NKAIN2: variants seen among roughly 807,000 people sequenced by gnomAD.
NKAIN2 encodes sodium/potassium-transporting ATPase subunit beta-1-interacting protein 2.
A neutral mutation model predicts 32.6 loss-of-function variants in NKAIN2; 14 were observed. The ratio of observed to expected loss-of-function variants is 0.43; its 90% confidence interval spans 0.28 to 0.67. The LOEUF is 0.67. NKAIN2 is among the 30% of genes least tolerant of loss of function. The pLI, the probability that NKAIN2 is intolerant of heterozygous loss-of-function variation, is 0.17. For missense variants in NKAIN2, 198 were observed against 258.3 expected (o/e 0.77, Z 1.60); for synonymous variants, 80 against 87.2 (o/e 0.92, Z 0.46).
Position 123,834,298 on chromosome 6 carries a change from G to A in NKAIN2, c.54+30044G>A, listed in dbSNP as rs556065555. Among the ~76,000 whole-genome samples the A allele has an allele frequency of 4.6e-5, 7 of 152,174 alleles. No homozygotes were observed. In the South Asian group the frequency reaches 1.0e-3, roughly 23 times the overall value. On this transcript the variant is annotated intron_variant, in intron 1 of 6. Coordinates refer to ENST00000368417, the MANE Select transcript of NKAIN2 (RefSeq NM_001040214.3). ...GCTTCCTGAATAGCTGGGATTACAG[G>A]CGTGTGCCACCAAGCCTTGTTAATT...
At chr6:124,138,921 G>C (rs1156243493) in intron 1 of NKAIN2, among the ~76,000 whole-genome samples, 1 of 150,900 alleles carries the variant, frequency 6.6e-6, no homozygotes, top group Non-Finnish European at 1.5e-5. Context: ...TGAAGACTTG[G>C]GGGGAATGGT....
At chr6:123,881,497 T>C (rs2114328989) in intron 1 of NKAIN2, among the ~76,000 whole-genome samples, 1 of 152,316 alleles carries the variant, frequency 6.6e-6, no homozygotes, top group Non-Finnish European at 1.5e-5. Context: ...GCATCTAGTG[T>C]CATAATTTGG....
At chr6:124,008,982 T>G (rs1388391794) in intron 1 of NKAIN2, among the ~76,000 whole-genome samples, 3 of 152,212 alleles carry the variant, frequency 2.0e-5, no homozygotes, top group Non-Finnish European at 4.4e-5. Flanking sequence ...GATTTGGGCA[T>G]GTACTTTAAG....
intron 3 of NKAIN2, among the ~76,000 whole-genome samples, chr6:124,397,758 C>A (rs555959196): frequency 6.6e-6 from 1 of 152,188 alleles, no homozygotes; most frequent in African/African-American, 2.4e-5. Context: ...CGTTTCAAAC[C>A]AGAAAACCTG....
chr6:124,010,034 G>T (rs1285069928), intron 1 of NKAIN2, among the ~76,000 whole-genome samples: 1 of 152,100 alleles, frequency 6.6e-6, no homozygotes, highest in Admixed American at 6.6e-5. Context: ...AAAGTAGCAT[G>T]ATCTTGGTTT....
chr6:124,303,119 A>T (rs998441505), intron 2 of NKAIN2, among the ~76,000 whole-genome samples: 3 of 152,212 alleles, frequency 2.0e-5, no homozygotes, highest in African/African-American at 7.2e-5. Context: ...ACTATTAGAG[A>T]ACTTTAAGAT....
intron 2 of NKAIN2, among the ~76,000 whole-genome samples, chr6:124,346,824 G>GT (rs1348052828): frequency 1.3e-5 from 2 of 151,880 alleles, no homozygotes; most frequent in African/African-American, 4.8e-5. Context: ...GGAGCATTTA[G>GT]TCCATTTACA....
intron 4 of NKAIN2, among the ~76,000 whole-genome samples, chr6:124,708,774 T>C (rs1034235723): frequency 7.9e-5 from 12 of 151,764 alleles, no homozygotes; most frequent in African/African-American, 2.9e-4. Context: ...TACAATCATG[T>C]CGTCTGCAAA....
In NKAIN2 at chr6:124,017,281, C is replaced by T. The variant is rs543490076; in HGVS notation, c.54+213027C>T. Among the ~76,000 whole-genome samples, 35 of 152,200 alleles carry T rather than the reference C, an allele frequency of 2.3e-4. 1 individual carries two copies. Among genetic ancestry groups the T allele is most frequent in the Admixed American group, 1.8e-3 (28 of 15,288 alleles). ...ATTACTTCCCATAGGGTCCCTCCCA[C>T]GACATGTGGGAGCTATGGGAGTTAC... On this transcript the variant is annotated intron_variant, in intron 1 of 6. Transcript: ENST00000368417.
At chr6:124,502,740 C>T (rs1470862833) in intron 3 of NKAIN2, among the ~76,000 whole-genome samples, 1 of 151,836 alleles carries the variant, frequency 6.6e-6, no homozygotes, top group Non-Finnish European at 1.5e-5. Flanking sequence ...CATTATTTTG[C>T]TCTTCATTTG....
intron 1 of NKAIN2, among the ~76,000 whole-genome samples, chr6:124,213,042 A>G (rs1791271129): frequency 6.6e-6 from 1 of 152,164 alleles, no homozygotes; most frequent in Admixed American, 6.6e-5. Context: ...TTCTACCTGT[A>G]GGTCTTCTCT....
rs540463327 is a variant in NKAIN2, at chr6:124,823,977, G to A, written c.*748G>A. 1 of 152,256 alleles carries A rather than the reference G, an allele frequency of 6.6e-6. No homozygotes were observed. The highest frequency in any genetic ancestry group is 2.4e-5 in the African/African-American group (1 of 41,548). 9.4% of individuals were successfully genotyped at this position (152,256 alleles called of 1,614,324 possible). The stretch of plus-strand genomic sequence containing the variant: ...GAAAAGTGCCAGCTGTCAGCAAAGT[G>A]CTTTACCATAGAGCCTCCATGGTGG... On this transcript the variant is annotated 3_prime_UTR_variant, in exon 7 of 7. Transcript: ENST00000368417.
At position 124,687,262 on chromosome 6, in the gene NKAIN2, T is replaced by TTCTC. The variant is rs1246076047; in HGVS notation, c.474+28880_474+28883dup. Among the ~76,000 whole-genome samples, 57 of 141,256 alleles carry TTCTC rather than the reference T, an allele frequency of 4.0e-4. No individual in the cohort carries two copies. In the East Asian group the frequency reaches 6.6e-3, roughly 16 times the overall value. 92.7% of individuals were successfully genotyped at this position (141,256 alleles called of 152,430 possible). Reference sequence around the variant, plus strand: ...AGAATATATATATTACCTATATATATTCTCTCTATATATAGAGAGAGAATA... The same window carrying TTCTC: ...AGAATATATATATTACCTATATATATTCTCTCTCTCTATATATAGAGAGAGAATA... On this transcript the variant is annotated intron_variant, in intron 4 of 6. Coordinates refer to ENST00000368417, the MANE Select transcript of NKAIN2 (RefSeq NM_001040214.3).
chr6:123,980,209 G>A (rs1225598654), intron 1 of NKAIN2, among the ~76,000 whole-genome samples: 1 of 152,138 alleles, frequency 6.6e-6, no homozygotes, highest in African/African-American at 2.4e-5. Context: ...CCTTATTAGT[G>A]TAGTAACACT....
intron 3 of NKAIN2, among the ~76,000 whole-genome samples, chr6:124,466,405 A>G (rs1463640424): frequency 4.6e-5 from 7 of 152,074 alleles, no homozygotes; most frequent in African/African-American, 9.7e-5. Flanking sequence ...CTTTCAAATG[A>G]TAGTGTTCAG....
intron 4 of NKAIN2, among the ~76,000 whole-genome samples, chr6:124,737,253 ATGG>A (rs766091619): frequency 8.6e-5 from 13 of 151,726 alleles, no homozygotes; most frequent in Non-Finnish European, 1.6e-4. Flanking sequence ...AATCACAGGG[ATGG>A]TTACCTCCAT....
intron 1 of NKAIN2, among the ~76,000 whole-genome samples, chr6:123,975,758 T>C (rs1230993950): frequency 5.3e-5 from 8 of 152,018 alleles, no homozygotes. Context: ...TCATGAGGGC[T>C]CCACACTCAT....
At chr6:123,948,596 G>GTT (rs1582826747) in intron 1 of NKAIN2, among the ~76,000 whole-genome samples, 2 of 93,244 alleles carry the variant, frequency 2.1e-5, no homozygotes, top group Admixed American at 1.1e-4. Context: ...TCTTAAATGG[G>GTT]ATTTTTTTTT....
At chr6:124,249,246 A>G (rs1430368918) in intron 1 of NKAIN2, among the ~76,000 whole-genome samples, 1 of 152,126 alleles carries the variant, frequency 6.6e-6, no homozygotes, top group Non-Finnish European at 1.5e-5. Context: ...TGGTAGTACC[A>G]GGATACAAGG....
Sources: gnomAD v4.1 joint callset for allele counts (sites outside exome capture counted in the v4.1 genomes callset) on GRCh38, gnomAD v4.1.1 for gene constraint, MANE v1.5 for transcripts, NCBI Gene and HGNC (gene_info 2026-07-23, HGNC 2026-07-21) for gene names.